The following ANKS1B variants were observed in gnomAD, a reference collection of about 807,000 sequenced individuals.
The protein encoded by ANKS1B is ankyrin repeat and sterile alpha motif domain-containing protein 1B.
In ANKS1B, 36 loss-of-function variants were observed where a neutral mutation model predicts 148.3. The ratio of observed to expected loss-of-function variants is 0.24; its 90% CI spans 0.19 to 0.32. The LOEUF is 0.32. ANKS1B is among the 10% of genes least tolerant of loss of function. ANKS1B has a pLI of 1.00. For missense variants in ANKS1B, 1,157 were observed against 1,542.6 expected, an observed-to-expected ratio of 0.75 and a Z score of 4.19; for synonymous variants, 542 against 560.8, an observed-to-expected ratio of 0.97 and a Z score of 0.47.
intron 10 of ANKS1B, among the ~76,000 whole-genome samples, chr12:99,445,504 C>G (rs994536264): frequency 5.3e-5 from 8 of 151,892 alleles, no homozygotes. Flanking sequence ...AAACTATAAA[C>G]TTTGGGTGAT....
rs1421891067 is a variant in ANKS1B at position 99,337,675 on chromosome 12, T to C, written c.1756+61956A>G. ...CAAGTATTCAATGGAAATTGAGTAA[T>C]GTAATTTAAGACTTTGGTTACTGCA... On this transcript the variant is annotated intron_variant, in intron 12 of 26. Transcript: ENST00000683438. Among the ~76,000 whole-genome samples the C allele has an allele frequency of 3.9e-5, 6 of 152,172 alleles. No homozygotes were observed. In the South Asian group the frequency reaches 1.2e-3, roughly 31 times the overall value.
chr12:99,040,067 C>G (rs1182597763), intron 17 of ANKS1B, among the ~76,000 whole-genome samples: 1 of 152,132 alleles, frequency 6.6e-6, no homozygotes, highest in African/African-American at 2.4e-5. Context: ...AAGGATGCCA[C>G]CTGGGGTCTG....
At chr12:99,553,032 A>G (rs2097237844) in intron 9 of ANKS1B, among the ~76,000 whole-genome samples, 1 of 152,210 alleles carries the variant, frequency 6.6e-6, no homozygotes, top group Non-Finnish European at 1.5e-5. Flanking sequence ...TTATATCACA[A>G]AAAAGCTTCA....
chr12:99,209,440 T>C (rs1167348139), intron 14 of ANKS1B, among the ~76,000 whole-genome samples: 3 of 152,202 alleles, frequency 2.0e-5, no homozygotes, highest in Non-Finnish European at 2.9e-5. Context: ...ACTATCTGCC[T>C]GTGGACTGGA....
intron 17 of ANKS1B, among the ~76,000 whole-genome samples, chr12:98,896,268 T>C (rs75142458): frequency 0.095 from 14,497 of 152,246 alleles, 1,435 homozygotes; most frequent in African/African-American, 0.25. Flanking sequence ...GCAAAGCAAA[T>C]GAAGATTTTG....
intron 9 of ANKS1B, among the ~76,000 whole-genome samples, chr12:99,608,757 G>A (rs1220154180): frequency 1.3e-5 from 2 of 152,016 alleles, no homozygotes; most frequent in Non-Finnish European, 2.9e-5. Flanking sequence ...CCTTTCCTGT[G>A]TTTTTCAAGG....
chr12:99,727,836 C>G (rs1162998781), intron 8 of ANKS1B, among the ~76,000 whole-genome samples: 2 of 152,072 alleles, frequency 1.3e-5, no homozygotes, highest in African/African-American at 4.8e-5. Flanking sequence ...AATAACACCA[C>G]ACATCTACAA....
chr12:99,437,472 G>T (rs941382888), intron 11 of ANKS1B, among the ~76,000 whole-genome samples: 1 of 151,874 alleles, frequency 6.6e-6, no homozygotes, highest in Non-Finnish European at 1.5e-5. Flanking sequence ...AGCCCATTTA[G>T]ATGACTTGTC....
At chr12:99,707,066 C>G (rs1037952539) in intron 8 of ANKS1B, among the ~76,000 whole-genome samples, 1 of 152,084 alleles carries the variant, frequency 6.6e-6, no homozygotes, top group Non-Finnish European at 1.5e-5. Context: ...GCATAAGGCA[C>G]TAAATTTGTG....
At chr12:99,893,837 G>A (rs2093249914) in intron 1 of ANKS1B, among the ~76,000 whole-genome samples, 5 of 152,102 alleles carry the variant, frequency 3.3e-5, no homozygotes, top group Admixed American at 3.3e-4. Flanking sequence ...TTTTATGGCT[G>A]TGTAGTATTC....
chr12:99,216,596 A>T (rs1438382038), intron 14 of ANKS1B, among the ~76,000 whole-genome samples: 1 of 152,208 alleles, frequency 6.6e-6, no homozygotes, highest in Non-Finnish European at 1.5e-5. Flanking sequence ...CACTTAACTG[A>T]GTAGGAAAAA....
rs559210159 is a variant in ANKS1B, at chr12:99,199,669, T to C, written c.2419+44673A>G. 1.0e-3 allele frequency among the ~76,000 whole-genome samples: 153 copies of C among 152,248 alleles called. 1 individual carries two copies. Among genetic ancestry groups the C allele is most frequent in the African/African-American group, 3.4e-3 (143 of 41,554 alleles). On this transcript the variant is annotated intron_variant, in intron 14 of 26. Transcript: ENST00000683438. ...TGACACACTGTAACTCTCCTCCTTA[T>C]AAGGCTCAGGAAAGAAATATACCTT...
At chr12:98,824,330 A>G (rs930484831) in intron 19 of ANKS1B, among the ~76,000 whole-genome samples, 8 of 152,242 alleles carry the variant, frequency 5.3e-5, no homozygotes, top group South Asian at 2.1e-4. Flanking sequence ...TACATGCTAA[A>G]TATGGGTAAC....
intron 22 of ANKS1B, among the ~76,000 whole-genome samples, chr12:98,792,993 G>C (rs746167620): frequency 6.6e-6 from 1 of 152,154 alleles, no homozygotes; most frequent in Non-Finnish European, 1.5e-5. Flanking sequence ...TAGTGGGATT[G>C]CTGGATAATA....
At position 98,744,191 on chromosome 12, in the gene ANKS1B, T is replaced by C; in HGVS notation, c.*1548A>G. Reference sequence around the variant, plus strand: ...TTGCTACATACATATCAACAGTGAATAGGCAAAATATATACAAGGAACTGT... The same window carrying C: ...TTGCTACATACATATCAACAGTGAACAGGCAAAATATATACAAGGAACTGT... On this transcript the variant is annotated 3_prime_UTR_variant, in exon 27 of 27. Transcript: ENST00000683438. 1.1e-5 allele frequency: 11 copies of C among 978,050 alleles called. No homozygotes were observed. The highest frequency in any genetic ancestry group is 1.3e-5 in the Non-Finnish European group (11 of 822,784). The allele number at this position is 978,050 out of a possible 1,614,324, so 60.6% of individuals were successfully genotyped here.
At chr12:99,250,632 G>C (rs2074458862) in intron 12 of ANKS1B, among the ~76,000 whole-genome samples, 1 of 152,126 alleles carries the variant, frequency 6.6e-6, no homozygotes, top group African/African-American at 2.4e-5. Flanking sequence ...GCCAGAAGAA[G>C]ACACCCACCA....
intron 17 of ANKS1B, among the ~76,000 whole-genome samples, chr12:98,942,685 A>G (rs564090913): frequency 6.6e-6 from 1 of 152,338 alleles, no homozygotes; most frequent in African/African-American, 2.4e-5. Context: ...TGCCTGACAC[A>G]TTGCTTTGCA....
At chr12:99,931,141 T>C (rs1441871817) in intron 1 of ANKS1B, among the ~76,000 whole-genome samples, 1 of 150,640 alleles carries the variant, frequency 6.6e-6, no homozygotes, top group East Asian at 1.9e-4. Context: ...AATTGAACAA[T>C]GAGAACACAC....
chr12:98,755,454 G>A (rs1360816804), intron 25 of ANKS1B, among the ~76,000 whole-genome samples: 1 of 152,166 alleles, frequency 6.6e-6, no homozygotes, highest in Non-Finnish European at 1.5e-5. Context: ...GGAGGCCAAC[G>A]CCTGGTACTG....
Sources: allele counts gnomAD v4.1 joint callset (sites outside exome capture counted in the v4.1 genomes callset), GRCh38; gene constraint gnomAD v4.1.1; transcripts MANE v1.5; gene names NCBI Gene and HGNC (gene_info 2026-07-23, HGNC 2026-07-21).